The following SCNN1A variants were observed in gnomAD, a reference collection of about 807,000 sequenced individuals.
SCNN1A encodes the protein epithelial sodium channel subunit alpha.
Under a neutral mutation model 68.6 loss-of-function variants are expected in SCNN1A, and 65 were observed. The ratio of observed to expected loss-of-function variants is 0.95; its 90% CI spans 0.78 to 1.16. The LOEUF (loss-of-function observed/expected upper bound fraction) is 1.16, where lower values mean the gene tolerates loss of function less well. Among genes scored for constraint, SCNN1A ranks in the 50% most tolerant of loss-of-function variants. The pLI, the probability that SCNN1A is intolerant of heterozygous loss-of-function variation, is 0.00. For synonymous variants in SCNN1A, 357 were observed against 353.3 expected (o/e 1.01, Z -0.12); for missense variants, 880 against 865.9 (o/e 1.02, Z -0.20).
intron 1 of SCNN1A, chr12:6,375,125 C>A: frequency 6.7e-7 from 1 of 1,488,080 alleles, no homozygotes. Flanking sequence ...TTTGTCCTAG[C>A]ACCTCCCTTT....
At chr12:6,353,109 A>G (rs1237825303) in intron 8 of SCNN1A, among the ~76,000 whole-genome samples, 1 of 152,210 alleles carries the variant, frequency 6.6e-6, no homozygotes, top group African/African-American at 2.4e-5. Context: ...TTCCTGGCAC[A>G]CGACTTCCCT....
intron 2 of SCNN1A, among the ~76,000 whole-genome samples, chr12:6,368,307 C>T (rs963990037): frequency 7.2e-5 from 11 of 152,206 alleles, no homozygotes; most frequent in Admixed American, 3.9e-4. Flanking sequence ...CCACAGAAAA[C>T]GGAAGTAAGG....
intron 2 of SCNN1A, among the ~76,000 whole-genome samples, chr12:6,371,523 CG>C (rs1226618558): frequency 4.8e-5 from 3 of 62,278 alleles, no homozygotes; most frequent in South Asian, 5.8e-4. Flanking sequence ...TGGAGCGTGG[CG>C]GGGGGGCGGG....
chr12:6,362,118 G>T lies in SCNN1A; in HGVS notation c.808C>A (p.Leu270Met). Reference protein sequence around the residue: ...LSRLPETLPSLEEDTLGNFIF... With the variant: ...LSRLPETLPSMEEDTLGNFIF... The stretch of plus-strand genomic sequence containing the variant: ...AAGTTGCCCAGCGTGTCCTCCTCCA[G>T]GGATGGCAGAGTCTCTGGCAGCCTC... Residue 270 changes from leucine to methionine, a missense_variant, in exon 4 of 13, where the codon CTG becomes ATG. Transcript: ENST00000228916. The T allele has an allele frequency of 6.2e-7, 1 of 1,614,268 alleles. No individual in the cohort carries two copies. The highest frequency in any genetic ancestry group is 1.1e-5 in the South Asian group (1 of 91,090).
At chr12:6,348,845 A>G (rs1230877577) in intron 11 of SCNN1A, 43 bp from the exon 12 acceptor site, 4 of 1,603,886 alleles carry the variant, frequency 2.5e-6, no homozygotes, top group Middle Eastern at 1.7e-4. Flanking sequence ...GTAGAGGATG[A>G]ATTTCCTGGA....
intron 12 of SCNN1A, 93 bp from the exon 13 acceptor site, chr12:6,348,346 C>T: frequency 6.3e-7 from 1 of 1,597,642 alleles, no homozygotes; most frequent in Admixed American, 1.7e-5. Flanking sequence ...AGCTGTCTCC[C>T]TTCATCCCTG....
At chr12:6,366,383 AAGT>A in intron 2 of SCNN1A, among the ~76,000 whole-genome samples, 1 of 152,336 alleles carries the variant, frequency 6.6e-6, no homozygotes, top group East Asian at 1.9e-4. Flanking sequence ...AATAGCCAAA[AAGT>A]AGAAATAACC....
At chr12:6,367,302 C>T (rs575010705) in intron 2 of SCNN1A, among the ~76,000 whole-genome samples, 108 of 152,322 alleles carry the variant, frequency 7.1e-4, no homozygotes, top group African/African-American at 2.4e-3. Context: ...GAGCCAGGAA[C>T]TATGGTATTA....
At chr12:6,369,364 C>CACCTCCCTCCT (rs1447223126) in intron 2 of SCNN1A, among the ~76,000 whole-genome samples, 3,676 of 131,570 alleles carry the variant, frequency 0.028, 328 homozygotes, top group East Asian at 0.038. Context: ...CCACCCTACG[C>CACCTCCCTCCT]GCCTCCCTCC....
chr12:6,358,885 T>C (rs1592070986), intron 4 of SCNN1A, among the ~76,000 whole-genome samples: 2 of 145,104 alleles, frequency 1.4e-5, no homozygotes, highest in Non-Finnish European at 3.0e-5. Context: ...AAAAAGGTGG[T>C]GTATCTACAC....
At chr12:6,363,966 C>T in intron 2 of SCNN1A, 1 of 365,304 alleles carries the variant, frequency 2.7e-6, no homozygotes, top group Non-Finnish European at 4.9e-6. Flanking sequence ...AGGCAGGAGG[C>T]GCCTGTCGTC....
chr12:6,352,763 A>G (rs1027399557), intron 8 of SCNN1A, among the ~76,000 whole-genome samples: 42 of 152,270 alleles, frequency 2.8e-4, no homozygotes, highest in Admixed American at 2.6e-3. Flanking sequence ...CCACGACTGG[A>G]AAGTCCAGGC....
chr12:6,373,294 C>A (rs1324910597), intron 2 of SCNN1A, among the ~76,000 whole-genome samples: 1 of 152,112 alleles, frequency 6.6e-6, no homozygotes, highest in African/African-American at 2.4e-5. Flanking sequence ...CACACACTCA[C>A]ACCCACACCC....
Position 6,347,771 on chromosome 12 carries a change from C to T in SCNN1A, c.*102G>A, listed in dbSNP as rs965745710. ...CTCCACACATCAACGGCAGTTTGGG[C>T]GGCTCTGAGAGGAAGCCCTGCACAT... On this transcript the variant is annotated 3_prime_UTR_variant, in exon 13 of 13. Transcript: ENST00000228916. 8.8e-5 allele frequency: 90 copies of T among 1,020,488 alleles called. 1 individual carries two copies. In the Middle Eastern group the frequency reaches 2.4e-3, roughly 27 times the overall value. The allele number at this position is 1,020,488 out of a possible 1,614,324, so 63.2% of individuals were successfully genotyped here.
chr12:6,357,929 TG>T (rs1948524569), intron 4 of SCNN1A, among the ~76,000 whole-genome samples: 1 of 151,880 alleles, frequency 6.6e-6, no homozygotes, highest in East Asian at 1.9e-4. Context: ...ACCTGGGAGG[TG>T]GAGGTTGTCA....
chr12:6,369,601 G>A (rs1948749357), intron 2 of SCNN1A, among the ~76,000 whole-genome samples: 1 of 152,256 alleles, frequency 6.6e-6, no homozygotes, highest in East Asian at 1.9e-4. Flanking sequence ...GGGAGGCCGA[G>A]GATGGTGGAT....
intron 8 of SCNN1A, among the ~76,000 whole-genome samples, chr12:6,350,638 A>G (rs1051217936): frequency 1.3e-5 from 2 of 151,970 alleles, no homozygotes; most frequent in Non-Finnish European, 2.9e-5. Context: ...GGAATTCGAG[A>G]CCAGCCTGGC....
chr12:6,347,853 G>C lies in SCNN1A; in HGVS notation c.*20C>G. On this transcript the variant is annotated 3_prime_UTR_variant, in exon 13 of 13. Transcript: ENST00000228916. ...ACCAGAGGAGCATCTGCCTTGGTGTGAGAAACCTCTCCTTCCCTCTCAGGG... is the reference window on the plus strand; with the variant it reads ...ACCAGAGGAGCATCTGCCTTGGTGTCAGAAACCTCTCCTTCCCTCTCAGGG... 6.3e-7 allele frequency: 1 copy of C among 1,593,072 alleles called. No homozygotes were observed. The highest frequency in any genetic ancestry group is 8.6e-7 in the Non-Finnish European group (1 of 1,167,834).
chr12:6,348,749 T>C lies in SCNN1A; in HGVS notation c.1607A>G (p.Asn536Ser). 1.2e-6 allele frequency: 2 copies of C among 1,613,352 alleles called. No individual in the cohort carries two copies. The highest frequency in any genetic ancestry group is 1.7e-6 in the Non-Finnish European group (2 of 1,179,784). The change falls in exon 12 of 13, where the codon AAT (asparagine) becomes AGT (serine). Residue 536 changes from asparagine (N) to serine (S), a missense_variant. This residue lies in a region of SCNN1A where 758 missense variants were observed against 721.8 expected (regional missense o/e 1.05). Coordinates refer to ENST00000228916, the MANE Select transcript of SCNN1A (RefSeq NM_001038.6). ...TACCGTGACAGAGGGAGACTCAGAA[T>C]TGGTTTTGTAGTTCAGCTCCTTGAA... ...IFFKELNYKT[N>S]SESPSVTMVT...
Sources: allele counts gnomAD v4.1 joint callset (sites outside exome capture counted in the v4.1 genomes callset), GRCh38; gene constraint gnomAD v4.1.1; regional missense constraint gnomAD v4.1.1; transcripts MANE v1.5; gene names NCBI Gene and HGNC (gene_info 2026-07-23, HGNC 2026-07-21).